The following BBS12 variants were observed in gnomAD, a reference collection of about 807,000 sequenced individuals.
BBS12 encodes chaperonin-containing T-complex member BBS12.
Under a neutral mutation model 5.6 loss-of-function variants are expected in BBS12, and 5 were observed. The observed-to-expected ratio is 0.89, with a 90% confidence interval of 0.46 to 1.86. BBS12 has a LOEUF of 1.86. Among genes scored for constraint, BBS12 ranks in the 40% most tolerant of loss-of-function variants. The probability of loss-of-function intolerance (pLI) is 0.01; values close to 1 mark genes in which losing one functional copy is unlikely to be tolerated. For missense variants in BBS12, 748 were observed against 830.4 expected, an observed-to-expected ratio of 0.90 and a Z score of 1.22; for synonymous variants, 308 against 306.8, an observed-to-expected ratio of 1.00 and a Z score of -0.04.
the BBS12 span, among the ~76,000 whole-genome samples, chr4:122,707,775 C>T: frequency 1.9e-4 from 29 of 152,194 alleles, 2 homozygotes; most frequent in South Asian, 1.2e-3. Flanking sequence ...AAGAAGTTCC[C>T]CTGCTCTGCT....
the BBS12 span, among the ~76,000 whole-genome samples, chr4:122,721,697 A>G: frequency 1.3e-5 from 2 of 152,192 alleles, no homozygotes; most frequent in African/African-American, 4.8e-5. Context: ...TGGTCTTTCT[A>G]TATAGCTCCC....
chr4:122,740,895 C>T (rs1260035267), intron 1 of BBS12, among the ~76,000 whole-genome samples: 1 of 151,874 alleles, frequency 6.6e-6, no homozygotes, highest in East Asian at 1.9e-4. Context: ...TATTATTATC[C>T]CTGTTTTTTA....
Position 122,744,225 on chromosome 4 carries a change from A to C in BBS12, c.*200A>C. The C allele has an allele frequency of 1.7e-6, 1 of 585,706 alleles. No homozygotes were observed. The highest frequency in any genetic ancestry group is 2.1e-5 in the South Asian group (1 of 48,462). The allele number at this position is 585,706 out of a possible 1,614,324, so 36.3% of individuals were successfully genotyped here. A position where few individuals can be genotyped will look rare whatever the true frequency, so the allele number is the denominator to read the frequency against. ...AGTTAGCCTGTTACTGTTTCGTGGG[A>C]TGCTACAGAATGCATAAGACACCTG... On this transcript the variant is annotated 3_prime_UTR_variant, in exon 2 of 2. Coordinates refer to ENST00000314218, the MANE Select transcript of BBS12 (RefSeq NM_152618.3).
At chr4:122,737,299 T>A (rs1386492876) in intron 1 of BBS12, among the ~76,000 whole-genome samples, 2 of 152,200 alleles carry the variant, frequency 1.3e-5, no homozygotes, top group Non-Finnish European at 2.9e-5. Context: ...GGTGAATTAC[T>A]ATCATACTGG....
chr4:122,701,105 T>G, the BBS12 span, among the ~76,000 whole-genome samples: 2 of 152,236 alleles, frequency 1.3e-5, no homozygotes, highest in Admixed American at 1.3e-4. Flanking sequence ...TTGTTTATTC[T>G]CATTTAAATA....
At chr4:122,736,962 A>G (rs747810767) in intron 1 of BBS12, among the ~76,000 whole-genome samples, 2 of 152,344 alleles carry the variant, frequency 1.3e-5, no homozygotes, top group East Asian at 1.9e-4. Flanking sequence ...TTTGTCTTGA[A>G]TATTGATTTT....
At chr4:122,721,572 T>C in the BBS12 span, among the ~76,000 whole-genome samples, 2 of 152,240 alleles carry the variant, frequency 1.3e-5, no homozygotes, top group African/African-American at 2.4e-5. Flanking sequence ...TTGTCTATTA[T>C]GCCCTACTCA....
At chr4:122,741,131 T>A (rs568885488) in intron 1 of BBS12, among the ~76,000 whole-genome samples, 2 of 152,196 alleles carry the variant, frequency 1.3e-5, no homozygotes, top group Non-Finnish European at 2.9e-5. Context: ...GTAAACCAGC[T>A]CATTTCCTCT....
At chr4:122,731,056 C>T (rs1309339920), upstream of BBS12, 1 of 152,150 alleles carries the variant, frequency 6.6e-6, no homozygotes. Flanking sequence ...TGCCAAGTAG[C>T]TGTGTTCTGA....
At chr4:122,718,712 GTGAAATGAAATGAAATGAAA>G in the BBS12 span, among the ~76,000 whole-genome samples, 8 of 146,200 alleles carry the variant, frequency 5.5e-5, no homozygotes, top group Non-Finnish European at 9.0e-5. Context: ...GGGATTCGAT[GTGAAATGAAATGAAATGAAA>G]TGAAATGAAA....
the BBS12 span, among the ~76,000 whole-genome samples, chr4:122,712,072 C>A: frequency 6.6e-6 from 1 of 152,234 alleles, no homozygotes; most frequent in Non-Finnish European, 1.5e-5. Flanking sequence ...CTTTGACCAG[C>A]AGTCTCCTAG....
chr4:122,713,808 A>G, the BBS12 span, among the ~76,000 whole-genome samples: 1 of 152,250 alleles, frequency 6.6e-6, no homozygotes, highest in Non-Finnish European at 1.5e-5. Flanking sequence ...AATGGGAAGG[A>G]GAAATTGCAA....
the BBS12 span, among the ~76,000 whole-genome samples, chr4:122,705,691 G>T: frequency 6.6e-6 from 1 of 152,182 alleles, no homozygotes; most frequent in Admixed American, 6.5e-5. Context: ...GTAGAACTCT[G>T]AGAGGACCAT....
At chr4:122,706,223 T>G in the BBS12 span, among the ~76,000 whole-genome samples, 2 of 151,982 alleles carry the variant, frequency 1.3e-5, no homozygotes, top group Non-Finnish European at 2.9e-5. Flanking sequence ...TCTTCCACCC[T>G]CCCTCCCTCT....
chr4:122,716,645 GTGTGTGTATATGCA>G, the BBS12 span, among the ~76,000 whole-genome samples: 2,954 of 110,032 alleles, frequency 0.027, 207 homozygotes, highest in East Asian at 0.18. Flanking sequence ...ATATACACAC[GTGTGTGTATATGCA>G]CATACACATA....
intron 1 of BBS12, among the ~76,000 whole-genome samples, chr4:122,733,395 A>G (rs1429620596): frequency 1.4e-5 from 2 of 145,824 alleles, no homozygotes; most frequent in African/African-American, 5.2e-5. Flanking sequence ...ACACACACAC[A>G]CACACACACA....
At chr4:122,703,757 G>A in the BBS12 span, among the ~76,000 whole-genome samples, 1 of 152,158 alleles carries the variant, frequency 6.6e-6, no homozygotes, top group Admixed American at 6.5e-5. Flanking sequence ...ACCACTGCAG[G>A]ACTAGTGGAT....
the BBS12 span, among the ~76,000 whole-genome samples, chr4:122,724,723 G>C: frequency 6.6e-6 from 1 of 152,140 alleles, no homozygotes. Flanking sequence ...ATATGTTCCA[G>C]AATAGCTCAA....
the BBS12 span, among the ~76,000 whole-genome samples, chr4:122,721,027 T>C: frequency 1.3e-5 from 2 of 152,034 alleles, no homozygotes; most frequent in African/African-American, 4.8e-5. Flanking sequence ...AATTGGAATA[T>C]ACTGAAATGG....
Sources: gnomAD v4.1 joint callset for allele counts (sites outside exome capture counted in the v4.1 genomes callset) on GRCh38, gnomAD v4.1.1 for gene constraint, MANE v1.5 for transcripts, NCBI Gene and HGNC (gene_info 2026-07-23, HGNC 2026-07-21) for gene names.